CBR4: variants seen among roughly 807,000 people sequenced by gnomAD.
CBR4 encodes carbonyl reductase 4, also known as 3-oxoacyl-[acyl-carrier-protein] reductase.
In CBR4, 22 loss-of-function variants were observed where a neutral mutation model predicts 21.0. The observed-to-expected ratio is 1.05, with a 90% CI of 0.75 to 1.50. CBR4 has a LOEUF of 1.50. Among genes scored for constraint, CBR4 ranks in the 40% most tolerant of loss-of-function variants. The pLI, the probability that CBR4 is intolerant of heterozygous loss-of-function variation, is 0.00. For synonymous variants in CBR4, 100 were observed against 104.4 expected (o/e 0.96, Z 0.26); for missense variants, 302 against 286.3 (o/e 1.05, Z -0.40).
At chr4:168,984,770 T>C (rs1450205913), downstream of CBR4, among the ~76,000 whole-genome samples, 3 of 152,048 alleles carry the variant, frequency 2.0e-5, no homozygotes, top group Non-Finnish European at 2.9e-5. Context: ...CACCTAAAAC[T>C]ATCAAATCTT....
intron 2 of CBR4, among the ~76,000 whole-genome samples, chr4:168,918,804 CACTT>C (rs1266419143): frequency 6.6e-6 from 1 of 151,982 alleles, no homozygotes; most frequent in Non-Finnish European, 1.5e-5. Flanking sequence ...AATTAAAAAA[CACTT>C]AAAAAAATTC....
rs1298095064 is a variant in CBR4 at position 168,898,641 on chromosome 4, T to C, written n.170-3876A>G. ...ATGGCACCATTCTTTGAGATGAAGC[T>C]GAAACATTACAAGATCTTTGAGGGA... is the stretch of plus-strand genomic sequence containing the variant. On this transcript the variant is annotated intron_variant and non_coding_transcript_variant, in intron 2 of 3. Coordinates refer to the CBR4 transcript ENST00000509108. 6.2e-7 allele frequency: 1 copy of C among 1,614,140 alleles called. No homozygotes were observed.
intron 2 of CBR4, among the ~76,000 whole-genome samples, chr4:168,924,712 TG>T (rs1269138346): frequency 5.3e-5 from 8 of 152,336 alleles, no homozygotes; most frequent in South Asian, 4.1e-4. Context: ...CAGTGGTTTT[TG>T]TAAAGGCAGA....
chr4:168,984,441 T>G (rs1363881520), downstream of CBR4, among the ~76,000 whole-genome samples: 1 of 152,090 alleles, frequency 6.6e-6, no homozygotes, highest in East Asian at 1.9e-4. Flanking sequence ...TCTATGCTCA[T>G]GGATAGGAAG....
chr4:168,999,570 A>G (rs1180609342), intron 4 of CBR4, among the ~76,000 whole-genome samples: 3 of 150,532 alleles, frequency 2.0e-5, no homozygotes, highest in Non-Finnish European at 3.0e-5. Flanking sequence ...ATATAAATAT[A>G]TATTATGCTC....
intron 2 of CBR4, among the ~76,000 whole-genome samples, chr4:168,909,086 CTG>C (rs1030433943): frequency 6.6e-6 from 1 of 152,160 alleles, no homozygotes; most frequent in Non-Finnish European, 1.5e-5. Flanking sequence ...TAATGAGTGA[CTG>C]TGCAGTTACA....
intron 2 of CBR4, among the ~76,000 whole-genome samples, chr4:168,922,731 CTCT>C: frequency 1.3e-5 from 2 of 152,318 alleles, no homozygotes; most frequent in Admixed American, 1.3e-4. Context: ...GTACAAAGTA[CTCT>C]ATATTCTTAC....
chr4:168,934,276 A>AAAAAC (rs1560951612), intron 2 of CBR4, among the ~76,000 whole-genome samples: 5 of 33,982 alleles, frequency 1.5e-4, no homozygotes, highest in East Asian at 6.8e-3. Context: ...AGAAAAGCAA[A>AAAAAC]AAAAACAAAA....
intron 2 of CBR4, among the ~76,000 whole-genome samples, chr4:168,964,114 C>G (rs867751213): frequency 3.3e-5 from 5 of 152,162 alleles, no homozygotes; most frequent in Middle Eastern, 3.2e-3. Flanking sequence ...CATGATCAAG[C>G]AAGCAGGTAT....
intron 2 of CBR4, chr4:168,926,408 A>C: frequency 6.6e-7 from 1 of 1,508,806 alleles, no homozygotes; most frequent in Non-Finnish European, 8.9e-7. Context: ...GTTAAAGCTG[A>C]AACACTGAAA....
chr4:168,938,353 A>G (rs1763170463), intron 2 of CBR4, among the ~76,000 whole-genome samples: 1 of 152,230 alleles, frequency 6.6e-6, no homozygotes, highest in South Asian at 2.1e-4. Context: ...TGCCCACAAG[A>G]GAAAGCAGGA....
At position 168,971,559 on chromosome 4, in the gene CBR4, G is replaced by C. The variant is rs748320023; in HGVS notation, n.169+30512C>G. 3.2e-4 allele frequency among the ~76,000 whole-genome samples: 49 copies of C among 151,182 alleles called. 1 individual carries two copies. Among genetic ancestry groups the C allele is most frequent in the Non-Finnish European group, 4.6e-4 (31 of 67,762 alleles). On this transcript the variant is annotated intron_variant and non_coding_transcript_variant, in intron 2 of 3. Coordinates refer to the CBR4 transcript ENST00000509108. Reference sequence around the variant, plus strand: ...TTGGCCTCCCAAAGTGCTGGGATTAGAGGCATGGGCCACTGCACCTGGCCC... The same window carrying C: ...TTGGCCTCCCAAAGTGCTGGGATTACAGGCATGGGCCACTGCACCTGGCCC...
At chr4:168,939,153 C>G (rs537361684) in intron 2 of CBR4, among the ~76,000 whole-genome samples, 4 of 152,156 alleles carry the variant, frequency 2.6e-5, no homozygotes, top group Non-Finnish European at 5.9e-5. Context: ...ATATGCAAAT[C>G]AATAAACGTA....
Position 168,898,597 on chromosome 4 carries a change from T to A in CBR4, n.170-3832A>T, listed in dbSNP as rs767206653. On this transcript the variant is annotated intron_variant and non_coding_transcript_variant, in intron 2 of 3. Transcript: ENST00000509108. ...CAGGTGATGAAGTTCAGTATGGAGA[T>A]GTGCCTGTGGAAAATGGAATGGCAC... The A allele has an allele frequency of 1.2e-6, 2 of 1,613,718 alleles. No homozygotes were observed. The highest frequency in any genetic ancestry group is 1.1e-5 in the South Asian group (1 of 91,072).
intron 2 of CBR4, among the ~76,000 whole-genome samples, chr4:168,915,087 T>C (rs1428981850): frequency 6.6e-6 from 1 of 152,202 alleles, no homozygotes; most frequent in Non-Finnish European, 1.5e-5. Flanking sequence ...CTGGAAAGCT[T>C]TTTTTCCCAT....
chr4:168,945,812 T>G (rs569602836), intron 2 of CBR4, among the ~76,000 whole-genome samples: 35 of 152,282 alleles, frequency 2.3e-4, no homozygotes, highest in African/African-American at 8.2e-4. Flanking sequence ...TTAGACAATT[T>G]TGTGTTTATT....
intron 4 of CBR4, among the ~76,000 whole-genome samples, chr4:168,994,899 C>G (rs1455086820): frequency 6.6e-6 from 1 of 152,016 alleles, no homozygotes; most frequent in Non-Finnish European, 1.5e-5. Context: ...GGATTACACG[C>G]ATGCATCACC....
In CBR4 at chr4:168,989,866, C is replaced by T; in HGVS notation, c.*284G>A. 3 of 1,057,230 alleles carry T rather than the reference C, an allele frequency of 2.8e-6. No individual in the cohort carries two copies. The highest frequency in any genetic ancestry group is 2.3e-6 in the Non-Finnish European group (2 of 874,382). The allele number at this position is 1,057,230 out of a possible 1,614,324, so 65.5% of individuals were successfully genotyped here. A position where few individuals can be genotyped will look rare whatever the true frequency, so the allele number is the denominator to read the frequency against. Reference sequence around the variant, plus strand: ...CACATGTATTTAAATATGTTAAAACCACTGAATTGTGTATTTTAAATGTGT... The same window carrying T: ...CACATGTATTTAAATATGTTAAAACTACTGAATTGTGTATTTTAAATGTGT... On this transcript the variant is annotated 3_prime_UTR_variant, in exon 5 of 5. Coordinates refer to ENST00000306193, the MANE Select transcript of CBR4 (RefSeq NM_032783.5).
intron 2 of CBR4, among the ~76,000 whole-genome samples, chr4:168,898,902 G>T (rs576585348): frequency 1.3e-5 from 2 of 152,276 alleles, no homozygotes; most frequent in East Asian, 3.9e-4. Flanking sequence ...AAAGGTGGTG[G>T]GGGGAGTGGA....
Sources: allele counts gnomAD v4.1 joint callset (sites outside exome capture counted in the v4.1 genomes callset), GRCh38; gene constraint gnomAD v4.1.1; transcripts MANE v1.5; gene names NCBI Gene and HGNC (gene_info 2026-07-23, HGNC 2026-07-21).